The following CTPS2 variants were observed in gnomAD, a reference collection of about 807,000 sequenced individuals.
CTPS2 encodes CTP synthase II.
CTPS2 carries 19 observed loss-of-function variants against 46.8 expected under a neutral mutation model. The ratio of observed to expected loss-of-function variants is 0.41; its 90% CI spans 0.28 to 0.60. The LOEUF is 0.60. Among genes scored for constraint, CTPS2 ranks in the 20% least tolerant of loss-of-function variants. The pLI is 0.35. For synonymous variants in CTPS2, 151 were observed against 165.2 expected (o/e 0.91, Z 0.66); for missense variants, 286 against 447.6 (o/e 0.64, Z 3.26).
In CTPS2 at chrX:16,606,066, C is replaced by T. The variant is rs144796723; in HGVS notation, c.1691+3475G>A. On this transcript the variant is annotated intron_variant, in intron 17 of 18. Transcript: ENST00000359276. ...CAGGCCCTAAAAGATAAATATTCTC[C>T]GCTAGGCAGAATGCGGAGGTTACAC... Among the ~76,000 whole-genome samples the T allele has an allele frequency of 7.1e-5, 8 of 112,158 alleles. No individual in the cohort carries two copies. In the East Asian group the frequency reaches 1.1e-3, roughly 16 times the overall value.
intron 2 of CTPS2, among the ~76,000 whole-genome samples, chrX:16,701,928 G>C (rs1357383470): frequency 9.0e-6 from 1 of 110,888 alleles, no homozygotes; most frequent in Non-Finnish European, 1.9e-5. Flanking sequence ...TCTTGATCAG[G>C]GGCTGGTTAC....
chrX:16,639,197 A>G lies in CTPS2; in HGVS notation c.1343T>C (p.Met448Thr), dbSNP rs1191328413. The change falls in exon 14 of 19, where the codon ATG (methionine) becomes ACG (threonine). Residue 448 changes from methionine (M) to threonine (T), a missense_variant. Coordinates refer to ENST00000359276, the MANE Select transcript of CTPS2 (RefSeq NM_175859.3). ...AACAGTTCTTCTTATTCCCAGTCTC[A>G]TTGTTCCTCCCAAATTGCCAGGGTT... ...EHNPGNLGGT[M>T]RLGIRRTVFK... 8.3e-7 allele frequency: 1 copy of G among 1,210,014 alleles called. No homozygotes were observed. Among genetic ancestry groups the G allele is most frequent in the Non-Finnish European group, 1.1e-6 (1 of 893,892 alleles).
In CTPS2 at chrX:16,589,016, C is replaced by A; in HGVS notation, c.*801G>T. 1 of 112,310 alleles carries A rather than the reference C, an allele frequency of 8.9e-6. No homozygotes were observed. Among genetic ancestry groups the A allele is most frequent in the Admixed American group, 9.4e-5 (1 of 10,614 alleles). 9.3% of individuals were successfully genotyped at this position (112,310 alleles called of 1,213,427 possible). ...TCAAAATGCAGTCGAAACTTTGTTT[C>A]ATGCACAAAATTATTTAAAATATTG... On this transcript the variant is annotated 3_prime_UTR_variant, in exon 19 of 19. Coordinates refer to ENST00000359276, the MANE Select transcript of CTPS2 (RefSeq NM_175859.3).
rs185144957 is a variant in CTPS2 at position 16,634,294 on chromosome X, A to C, written c.1393+4853T>G. Reference sequence around the variant, plus strand: ...GGGGCACATAGTGATATTTCAATACATATAATGTATAGTGATCAAATCAGG... The same window carrying C: ...GGGGCACATAGTGATATTTCAATACCTATAATGTATAGTGATCAAATCAGG... On this transcript the variant is annotated intron_variant, in intron 14 of 18. Coordinates refer to ENST00000359276, the MANE Select transcript of CTPS2 (RefSeq NM_175859.3). 2.9e-3 allele frequency among the ~76,000 whole-genome samples: 325 copies of C among 112,111 alleles called. 3 individuals are homozygous for C. The highest frequency in any genetic ancestry group is 9.2e-3 in the Middle Eastern group (2 of 217).
chrX:16,667,014 G>A (rs1222859375), intron 13 of CTPS2, among the ~76,000 whole-genome samples: 1 of 111,013 alleles, frequency 9.0e-6, no homozygotes, highest in Non-Finnish European at 1.9e-5. Flanking sequence ...CCAGGATTGT[G>A]ACTGTCTTTA....
chrX:16,645,892 C>T (rs2147253541), intron 13 of CTPS2, among the ~76,000 whole-genome samples: 1 of 112,802 alleles, frequency 8.9e-6, no homozygotes, highest in South Asian at 3.6e-4. Flanking sequence ...CTCTCTCACC[C>T]ATGTGATGCC....
intron 4 of CTPS2, 92 bp from the exon 5 acceptor site, chrX:16,693,579 C>T: frequency 1.7e-6 from 1 of 584,414 alleles, no homozygotes; most frequent in African/African-American, 2.3e-5. Flanking sequence ...ATAAACCGAG[C>T]ATGAGAACTA....
At chrX:16,606,629 G>A (rs1335270585) in intron 17 of CTPS2, among the ~76,000 whole-genome samples, 1 of 111,995 alleles carries the variant, frequency 8.9e-6, no homozygotes, top group Non-Finnish European at 1.9e-5. Context: ...CAGTGTCATG[G>A]AAGCCTACTA....
intron 13 of CTPS2, among the ~76,000 whole-genome samples, chrX:16,653,112 A>G (rs1302597665): frequency 9.1e-6 from 1 of 110,161 alleles, no homozygotes; most frequent in Non-Finnish European, 1.9e-5. Flanking sequence ...ATATATACAT[A>G]TATATATATA....
intron 13 of CTPS2, among the ~76,000 whole-genome samples, chrX:16,639,580 G>T (rs1001173424): frequency 5.5e-5 from 6 of 110,015 alleles, no homozygotes; most frequent in Non-Finnish European, 1.1e-4. Flanking sequence ...TCCCACTTCG[G>T]TGTTCACATC....
At chrX:16,647,360 C>T (rs1027341108) in intron 13 of CTPS2, among the ~76,000 whole-genome samples, 3 of 103,363 alleles carry the variant, frequency 2.9e-5, no homozygotes, top group African/African-American at 7.1e-5. Context: ...TTCCACCTCC[C>T]GGGTTCAAGC....
chrX:16,628,542 T>A (rs1931287046), intron 14 of CTPS2, among the ~76,000 whole-genome samples: 1 of 110,432 alleles, frequency 9.1e-6, no homozygotes, highest in Non-Finnish European at 1.9e-5. Flanking sequence ...ATTTTTGTAG[T>A]TTTAGTAGAG....
intron 16 of CTPS2, among the ~76,000 whole-genome samples, chrX:16,615,392 T>C (rs902423017): frequency 1.8e-5 from 2 of 111,727 alleles, no homozygotes; most frequent in African/African-American, 6.5e-5. Flanking sequence ...GAATGAGTGT[T>C]GCTGTTGTCG....
chrX:16,658,130 C>T (rs924830883), intron 13 of CTPS2, among the ~76,000 whole-genome samples: 1 of 108,796 alleles, frequency 9.2e-6, no homozygotes, highest in Admixed American at 9.9e-5. Context: ...TATCTGAGCC[C>T]GGGAGGCGGA....
At chrX:16,675,013 C>T (rs899069421) in intron 10 of CTPS2, among the ~76,000 whole-genome samples, 1 of 110,634 alleles carries the variant, frequency 9.0e-6, no homozygotes, top group Non-Finnish European at 1.9e-5. Flanking sequence ...TGCCTGTAAT[C>T]CCAGCACTTT....
At chrX:16,669,951 C>T (rs1054851041) in intron 11 of CTPS2, among the ~76,000 whole-genome samples, 1 of 110,595 alleles carries the variant, frequency 9.0e-6, no homozygotes, top group Non-Finnish European at 1.9e-5. Flanking sequence ...CGGCCGGGCA[C>T]GGGGGCTCAA....
At position 16,600,005 on chromosome X, in the gene CTPS2, C is replaced by T. The variant is rs1929563245; in HGVS notation, c.1692-9143G>A. Among the ~76,000 whole-genome samples, 3 of 111,795 alleles carry T rather than the reference C, an allele frequency of 2.7e-5. No individual in the cohort carries two copies. In the South Asian group the frequency reaches 1.1e-3, roughly 42 times the overall value. ...TGTTGGCCAGGCTGGTCTTGAACTC[C>T]TGACCTCAAGTGATCCGCCCGCCTC... is the stretch of plus-strand genomic sequence containing the variant. On this transcript the variant is annotated intron_variant, in intron 17 of 18. Coordinates refer to ENST00000359276, the MANE Select transcript of CTPS2 (RefSeq NM_175859.3).
chrX:16,663,498 G>C, intron 13 of CTPS2, among the ~76,000 whole-genome samples: 1 of 111,054 alleles, frequency 9.0e-6, no homozygotes, highest in South Asian at 3.8e-4. Context: ...GGCTAAGTGG[G>C]TATACACACA....
chrX:16,607,599 G>A (rs1354374364), intron 17 of CTPS2, among the ~76,000 whole-genome samples: 1 of 112,878 alleles, frequency 8.9e-6, no homozygotes, highest in Non-Finnish European at 1.9e-5. Context: ...AACACATGGT[G>A]AAAGGAAATG....
Sources: allele counts gnomAD v4.1 joint callset (sites outside exome capture counted in the v4.1 genomes callset), GRCh38; gene constraint gnomAD v4.1.1; transcripts MANE v1.5; gene names NCBI Gene and HGNC (gene_info 2026-07-23, HGNC 2026-07-21).